Variants in CECR2 observed in about 807,000 individuals in gnomAD.
CECR2 encodes the protein CECR2 histone acetyl-lysine reader.
CECR2 carries 30 observed loss-of-function variants against 154.5 expected under a neutral mutation model. The ratio of observed to expected loss-of-function variants is 0.19; its 90% CI spans 0.15 to 0.26. CECR2 has a LOEUF of 0.26. Among genes scored for constraint, CECR2 ranks in the 10% least tolerant of loss-of-function variants. CECR2 has a pLI of 1.00. For synonymous variants in CECR2, 725 were observed against 683.7 expected (o/e 1.06, Z -0.94); for missense variants, 1,743 against 1,829.3 (o/e 0.95, Z 0.86).
In CECR2 at chr22:17,373,789, T is replaced by A. The variant is rs567074844; in HGVS notation, c.126+3880T>A. 2.0e-5 allele frequency among the ~76,000 whole-genome samples: 3 copies of A among 152,342 alleles called. 1 individual carries two copies. The South Asian group carries it at 6.2e-4, about 32-fold the overall frequency. On this transcript the variant is annotated intron_variant, in intron 1 of 18. Transcript: ENST00000262608. ...GAACTTGGAAATTTACCAAAGAAGC[T>A]CTTACCTGGCCTCCTTTGCCTCAGA...
upstream of CECR2, among the ~76,000 whole-genome samples, chr22:17,365,028 C>T (rs1185971437): frequency 2.6e-5 from 4 of 151,984 alleles, no homozygotes; most frequent in Non-Finnish European, 5.9e-5. Flanking sequence ...AGTTTGAGAC[C>T]AACCTGACCA....
chr22:17,459,441 G>A (rs903064191), intron 1 of CECR2, among the ~76,000 whole-genome samples: 3 of 151,896 alleles, frequency 2.0e-5, no homozygotes, highest in Non-Finnish European at 1.5e-5. Context: ...ACGGTTGAGC[G>A]CCACAACGCC....
At chr22:17,498,772 C>G (rs1231297203) in intron 3 of CECR2, among the ~76,000 whole-genome samples, 1 of 52,294 alleles carries the variant, frequency 1.9e-5, no homozygotes, top group Non-Finnish European at 3.6e-5. Flanking sequence ...TTCGTGTGTG[C>G]TCACATAAAA....
intron 1 of CECR2, chr22:17,419,028 C>T (rs939514924): frequency 1.2e-5 from 2 of 167,076 alleles, no homozygotes; most frequent in Non-Finnish European, 2.6e-5. Context: ...TGGCCAAGGG[C>T]ACCGCGGAGG....
At chr22:17,403,100 A>C (rs1229672974) in intron 1 of CECR2, among the ~76,000 whole-genome samples, 1 of 152,152 alleles carries the variant, frequency 6.6e-6, no homozygotes, top group Non-Finnish European at 1.5e-5. Context: ...ATTCCACCTG[A>C]CATCGCATGT....
chr22:17,526,901 G>A (rs1396371902), intron 9 of CECR2, among the ~76,000 whole-genome samples: 1 of 150,150 alleles, frequency 6.7e-6, no homozygotes, highest in Non-Finnish European at 1.5e-5. Context: ...CTAGGACATT[G>A]ATTTCAAGCA....
At position 17,548,577 on chromosome 22, in the gene CECR2, A is replaced by G; in HGVS notation, c.3290A>G (p.Asn1097Ser). The G allele has an allele frequency of 6.2e-7, 1 of 1,613,662 alleles. No homozygotes were observed. The highest frequency in any genetic ancestry group is 8.5e-7 in the Non-Finnish European group (1 of 1,179,786). ...LQETMPCTGQ[N>S]AATPPSTDPG... The stretch of plus-strand genomic sequence containing the variant: ...GAAACCATGCCATGCACGGGACAGA[A>G]CGCAGCGACACCGCCCAGCACAGAC... The change falls in exon 17 of 19, where the codon AAC becomes AGC. Residue 1097 changes from asparagine to serine, a missense_variant. By Grantham distance (46) the Asn-to-Ser change is conservative. This residue lies in a region of CECR2 where 1,250 missense variants were observed against 1,192.1 expected (regional missense o/e 1.05). Coordinates refer to ENST00000262608, the MANE Select transcript of CECR2 (RefSeq NM_001290047.2).
chr22:17,385,801 A>G (rs2063252235), intron 1 of CECR2, among the ~76,000 whole-genome samples: 1 of 152,218 alleles, frequency 6.6e-6, no homozygotes, highest in Non-Finnish European at 1.5e-5. Context: ...AACACAGTAC[A>G]ACGAGGTGGG....
intron 7 of CECR2, among the ~76,000 whole-genome samples, chr22:17,509,644 T>TA (rs1250173000): frequency 2.6e-5 from 4 of 152,142 alleles, no homozygotes; most frequent in Non-Finnish European, 1.5e-5. Flanking sequence ...TTCTTATTAG[T>TA]AAAATGAAAT....
At chr22:17,408,714 T>C (rs1432483151) in intron 1 of CECR2, among the ~76,000 whole-genome samples, 2 of 152,186 alleles carry the variant, frequency 1.3e-5, no homozygotes, top group African/African-American at 4.8e-5. Flanking sequence ...GTTCATCCCA[T>C]AGCTAAACAT....
At chr22:17,390,730 G>A (rs1489720716) in intron 1 of CECR2, among the ~76,000 whole-genome samples, 2 of 152,050 alleles carry the variant, frequency 1.3e-5, no homozygotes, top group East Asian at 1.9e-4. Flanking sequence ...CAACCTCGCC[G>A]GTCCCAAAGT....
In CECR2 at chr22:17,555,499, A is replaced by C. The variant is rs547566885; in HGVS notation, c.*2659A>C. 1.3e-5 allele frequency: 2 copies of C among 152,264 alleles called. No individual in the cohort carries two copies. The highest frequency in any genetic ancestry group is 4.1e-4 in the South Asian group (2 of 4,820). 9.4% of individuals were successfully genotyped at this position (152,264 alleles called of 1,614,324 possible). On this transcript the variant is annotated 3_prime_UTR_variant, in exon 19 of 19. Transcript: ENST00000262608. ...TCTGCTATAAGCTGTCTGGAGCTGC[A>C]AGGTTGCAGGAATCCACAGGAGCGT...
chr22:17,542,587 G>A lies in CECR2; in HGVS notation c.2444G>A (p.Arg815Lys). 6.2e-7 allele frequency: 1 copy of A among 1,613,986 alleles called. No homozygotes were observed. The highest frequency in any genetic ancestry group is 2.2e-5 in the East Asian group (1 of 44,886). The change falls in exon 16 of 19, where the codon AGA becomes AAA. Residue 815 changes from arginine (R) to lysine (K), a missense_variant. By Grantham distance (26) the Arg-to-Lys change is conservative (BLOSUM62 2). This residue lies in a region of CECR2 where 1,250 missense variants were observed against 1,192.1 expected (regional missense o/e 1.05). Transcript: ENST00000262608. The stretch of plus-strand genomic sequence containing the variant: ...CACGTGATGGATTCCCGAGTCATGA[G>A]ACCACCTGTCCCCCCCAACCAGTGG... ...LGHVMDSRVM[R>K]PPVPPNQWTE...
intron 2 of CECR2, among the ~76,000 whole-genome samples, chr22:17,487,300 T>A (rs1259154381): frequency 6.6e-6 from 1 of 152,186 alleles, no homozygotes; most frequent in East Asian, 1.9e-4. Context: ...CCTGGCAAAT[T>A]GAGCACTGGG....
chr22:17,397,389 C>T (rs1175066113), intron 1 of CECR2, among the ~76,000 whole-genome samples: 1 of 152,224 alleles, frequency 6.6e-6, no homozygotes, highest in African/African-American at 2.4e-5. Context: ...GCCTTCGCCT[C>T]CCAAAGGGCT....
rs574882726 is a variant in CECR2, at chr22:17,542,760, G to T, written c.2617G>T (p.Val873Leu). 3.1e-6 allele frequency: 5 copies of T among 1,613,970 alleles called. No individual in the cohort carries two copies. Among genetic ancestry groups the T allele is most frequent in the Non-Finnish European group, 3.4e-6 (4 of 1,179,880 alleles). The change falls in exon 16 of 19, where the codon GTG (valine) becomes TTG (leucine). Residue 873 changes from valine (V) to leucine (L), a missense_variant. Val to Leu is a conservative substitution (Grantham distance 32). Coordinates refer to ENST00000262608, the MANE Select transcript of CECR2 (RefSeq NM_001290047.2). ...FGAPAQALRG[V>L]QGGDSMMDSP... is the part of the protein sequence containing the mutation. ...AGCACCTGCCCAGGCTCTTCGGGGG[G>T]TGCAGGGAGGGGACTCCATGATGGA...
chr22:17,538,886 T>C (rs1241229581), intron 12 of CECR2, 107 bp from the exon 13 acceptor site: 1 of 1,412,848 alleles, frequency 7.1e-7, no homozygotes, highest in African/African-American at 1.4e-5. Context: ...CTGTTATTCA[T>C]TACAGATCAG....
chr22:17,428,558 TTATTTCCCCCCA>T (rs2054366865), intron 1 of CECR2: 1 of 152,220 alleles, frequency 6.6e-6, no homozygotes, highest in South Asian at 2.1e-4. Context: ...AAAAGCATGA[TTATTTCCCCCCA>T]TATTTCACAA....
chr22:17,475,620 T>C (rs753121179), intron 1 of CECR2, among the ~76,000 whole-genome samples: 1 of 152,130 alleles, frequency 6.6e-6, no homozygotes, highest in Non-Finnish European at 1.5e-5. Context: ...ATTGAGAGAA[T>C]GGAAATACGT....
Sources: gnomAD v4.1 joint callset for allele counts (sites outside exome capture counted in the v4.1 genomes callset) on GRCh38, gnomAD v4.1.1 for gene constraint, gnomAD v4.1.1 regional missense constraint, MANE v1.5 for transcripts, NCBI Gene and HGNC (gene_info 2026-07-23, HGNC 2026-07-21) for gene names.